TENM1: variants seen among roughly 807,000 people sequenced by gnomAD.
The protein encoded by TENM1 is teneurin transmembrane protein 1, also known as teneurin-1.
A neutral mutation model predicts 174.8 loss-of-function variants in TENM1; 35 were observed. The observed-to-expected ratio is 0.20, with a 90% CI of 0.15 to 0.27. TENM1 has a LOEUF of 0.27. Among genes scored for constraint, TENM1 ranks in the 10% least tolerant of loss-of-function variants. The pLI is 1.00. For synonymous variants in TENM1, 781 were observed against 798.7 expected (o/e 0.98, Z 0.37); for missense variants, 1,633 against 2,130.1 (o/e 0.77, Z 4.59).
At chrX:124,561,336 T>A (rs974045376) in intron 14 of TENM1, among the ~76,000 whole-genome samples, 9 of 111,088 alleles carry the variant, frequency 8.1e-5, no homozygotes, top group African/African-American at 2.9e-4. Flanking sequence ...TCTAGCTATG[T>A]GATTCTGGAT....
chrX:124,664,679 G>GGTGTGTGTGTGT (rs576286188), intron 6 of TENM1, among the ~76,000 whole-genome samples: 30 of 86,970 alleles, frequency 3.4e-4, no homozygotes, highest in African/African-American at 1.2e-3. Context: ...GTACTTGTGG[G>GGTGTGTGTGTGT]GTGTGTGTGT....
chrX:124,895,427 TAA>T (rs2057546579), intron 2 of TENM1, among the ~76,000 whole-genome samples: 1 of 110,477 alleles, frequency 9.1e-6, no homozygotes, highest in Admixed American at 9.5e-5. Context: ...GATTATGACA[TAA>T]TGATACTGCT....
chrX:124,548,774 C>T (rs748587169), intron 14 of TENM1, among the ~76,000 whole-genome samples: 2 of 110,978 alleles, frequency 1.8e-5, no homozygotes, highest in Non-Finnish European at 3.8e-5. Context: ...TGTCTGCTCC[C>T]GTGGAGTTAG....
At chrX:124,663,136 A>G (rs749674493) in intron 6 of TENM1, among the ~76,000 whole-genome samples, 8 of 112,125 alleles carry the variant, frequency 7.1e-5, no homozygotes, top group Non-Finnish European at 1.5e-4. Flanking sequence ...CTCTCCTAGA[A>G]CCAAGAAGAG....
At chrX:124,873,821 C>A (rs984759420) in intron 3 of TENM1, among the ~76,000 whole-genome samples, 1 of 111,107 alleles carries the variant, frequency 9.0e-6, no homozygotes, top group African/African-American at 3.3e-5. Flanking sequence ...TCACCATGTA[C>A]CCCATTACTG....
At chrX:125,066,578 A>G in the TENM1 span, among the ~76,000 whole-genome samples, 3 of 111,851 alleles carry the variant, frequency 2.7e-5, no homozygotes, top group Admixed American at 2.9e-4. Context: ...AACCTAAAAA[A>G]GGAGGCAGTC....
chrX:124,684,406 G>A (rs187179431), intron 5 of TENM1, among the ~76,000 whole-genome samples: 128 of 112,811 alleles, frequency 1.1e-3, no homozygotes, highest in Middle Eastern at 4.6e-3. Flanking sequence ...ACAGCACAGT[G>A]TGGAGAGAAA....
chrX:124,540,443 T>C (rs764471806), intron 15 of TENM1, among the ~76,000 whole-genome samples: 2 of 111,966 alleles, frequency 1.8e-5, no homozygotes, highest in South Asian at 7.6e-4. Context: ...TATCTGTCAA[T>C]TATGGTTATT....
At chrX:124,742,555 T>A (rs1262460211) in intron 3 of TENM1, among the ~76,000 whole-genome samples, 1 of 111,396 alleles carries the variant, frequency 9.0e-6, no homozygotes, top group African/African-American at 3.3e-5. Context: ...TTTTGTGAAT[T>A]TTCATACATT....
In TENM1 at chrX:124,671,713, C is replaced by T. The variant is rs1246255736; in HGVS notation, c.1138G>A (p.Gly380Arg). 2.2e-5 allele frequency: 27 copies of T among 1,205,065 alleles called. No individual in the cohort carries two copies. Among genetic ancestry groups the T allele is most frequent in the Admixed American group, 1.8e-4 (8 of 45,202 alleles). The change falls in exon 6 of 32, where the codon GGA becomes AGA. Residue 380 changes from glycine (G) to arginine (R), a missense_variant. Physicochemically the swap from Gly to Arg is moderately radical, Grantham distance 125. Around this residue, in one of 4 missense-constraint regions of TENM1, gnomAD observed 305 missense variants for 309.2 expected, o/e 0.99. Transcript: ENST00000422452. ...TTCTCTGATTTATCAGAAACTTTTC[C>T]TCCAATTGGAGAGTAAGTAGTGTCC...
chrX:124,610,174 C>T (rs180973003), intron 11 of TENM1, among the ~76,000 whole-genome samples: 8 of 112,145 alleles, frequency 7.1e-5, no homozygotes, highest in South Asian at 3.7e-4. Context: ...GAGGCCCAGG[C>T]TAATTTGTCC....
In TENM1 at chrX:124,484,794, G is replaced by A. The variant is rs146576194; in HGVS notation, c.3716+2415C>T. On this transcript the variant is annotated intron_variant, in intron 21 of 31. Transcript: ENST00000422452. ...AAGACTCCCCTGGTTCCCTTTATTG[G>A]AGAATGGTATTAGAAACCAAGATCT... Among the ~76,000 whole-genome samples, 462 of 110,794 alleles carry A rather than the reference G, an allele frequency of 4.2e-3. 3 individuals carry two copies. The highest frequency in any genetic ancestry group is 9.2e-3 in the Middle Eastern group (2 of 218).
chrX:124,626,867 T>C (rs2050649452), intron 11 of TENM1, among the ~76,000 whole-genome samples: 1 of 112,066 alleles, frequency 8.9e-6, no homozygotes, highest in African/African-American at 3.2e-5. Context: ...TACTGAATAG[T>C]AGGATGTGGG....
At chrX:124,581,231 A>T (rs2049300608) in intron 11 of TENM1, among the ~76,000 whole-genome samples, 1 of 108,285 alleles carries the variant, frequency 9.2e-6, no homozygotes, top group African/African-American at 3.4e-5. Flanking sequence ...CGTCCGGCTA[A>T]TTTTTTTGTA....
At chrX:124,868,143 A>G (rs2057041588) in intron 3 of TENM1, among the ~76,000 whole-genome samples, 1 of 112,237 alleles carries the variant, frequency 8.9e-6, no homozygotes, top group African/African-American at 3.2e-5. Context: ...TAAAATTTAT[A>G]TGGAACGATA....
In TENM1 at chrX:124,743,063, CT is replaced by C. The variant is rs752875568; in HGVS notation, c.536-5867del. ...ATGGTATTTTACCTGTCACAAAGAG[CT>C]TTTGTAACTTGTGAGCAGGTAGTTT... On this transcript the variant is annotated intron_variant, in intron 3 of 31. Coordinates refer to ENST00000422452, the Ensembl canonical transcript of TENM1. Among the ~76,000 whole-genome samples, 3 of 111,617 alleles carry C rather than the reference CT, an allele frequency of 2.7e-5. No individual in the cohort carries two copies. The Admixed American group carries it at 2.9e-4, about 11-fold the overall frequency.
At chrX:125,096,883 A>T in the TENM1 span, among the ~76,000 whole-genome samples, 2 of 70,514 alleles carry the variant, frequency 2.8e-5, no homozygotes, top group Admixed American at 2.0e-4. Context: ...GTAATGATTT[A>T]AAAAAAAAAA....
intron 3 of TENM1, among the ~76,000 whole-genome samples, chrX:124,803,417 A>G (rs2055506010): frequency 1.8e-5 from 2 of 111,342 alleles, no homozygotes; most frequent in African/African-American, 6.5e-5. Context: ...TCTTGCTGGT[A>G]TGCTCTTCTC....
At chrX:124,703,415 A>G (rs1269863995) in intron 5 of TENM1, among the ~76,000 whole-genome samples, 1 of 112,064 alleles carries the variant, frequency 8.9e-6, no homozygotes, top group African/African-American at 3.2e-5. Flanking sequence ...ATGTAATAAA[A>G]TTTTGATATG....
Sources: allele counts gnomAD v4.1 joint callset (sites outside exome capture counted in the v4.1 genomes callset), GRCh38; gene constraint gnomAD v4.1.1; regional missense constraint gnomAD v4.1.1; transcripts MANE v1.5; gene names NCBI Gene and HGNC (gene_info 2026-07-23, HGNC 2026-07-21).